Variants in GRIK5 observed in about 807,000 individuals in gnomAD.
The protein encoded by GRIK5 is glutamate ionotropic receptor kainate type subunit 5, also known as glutamate receptor ionotropic, kainate 5.
Under a neutral mutation model 97.4 loss-of-function variants are expected in GRIK5, and 43 were observed. That is an observed-to-expected ratio of 0.44 (90% CI 0.35 to 0.57). GRIK5 has a LOEUF of 0.57. Ranked by LOEUF, GRIK5 falls within the 20% of genes least tolerant of loss-of-function variation. The pLI is 0.01. For synonymous variants in GRIK5, 580 were observed against 583.5 expected (o/e 0.99, Z 0.09); for missense variants, 1,015 against 1,382.0 (o/e 0.73, Z 4.21).
chr19:42,041,262 G>A (rs1049536813), intron 12 of GRIK5, among the ~76,000 whole-genome samples: 6 of 152,118 alleles, frequency 3.9e-5, no homozygotes, highest in East Asian at 1.9e-4. Flanking sequence ...CAAGTCTAAC[G>A]TCAAGGCTGC....
chr19:42,062,405 A>G lies in GRIK5; in HGVS notation c.508+83T>C, dbSNP rs2076270554. On this transcript the variant is annotated intron_variant, in intron 5 of 19. Transcript: ENST00000593562. The surrounding 1 kb of genome is among the most constrained non-coding windows in gnomAD (Gnocchi z 5.3). Reference sequence around the variant, plus strand: ...TGCCCCAGGGTTCTAACTAGGGGGCAGTGAACCACTGTGTGGGACACCAGA... The same window carrying G: ...TGCCCCAGGGTTCTAACTAGGGGGCGGTGAACCACTGTGTGGGACACCAGA... 1.4e-6 allele frequency: 2 copies of G among 1,414,888 alleles called. No individual in the cohort carries two copies. Among genetic ancestry groups the G allele is most frequent in the Admixed American group, 3.9e-5 (2 of 51,008 alleles). 87.6% of individuals were successfully genotyped at this position (1,414,888 alleles called of 1,614,324 possible). A position where few individuals can be genotyped will look rare whatever the true frequency, so the allele number is the denominator to read the frequency against.
At chr19:42,057,793 A>G (rs1323918365) in intron 6 of GRIK5, among the ~76,000 whole-genome samples, 1 of 152,234 alleles carries the variant, frequency 6.6e-6, no homozygotes, top group African/African-American at 2.4e-5. Flanking sequence ...GTGCTTTGCA[A>G]TAATAGCAGC....
rs964404655 is a variant in GRIK5 at position 42,065,116 on chromosome 19, A to G, written c.244+107T>C. The G allele has an allele frequency of 3.3e-5, 30 of 918,868 alleles. No individual in the cohort carries two copies. Among genetic ancestry groups the G allele is most frequent in the Non-Finnish European group, 4.6e-5 (28 of 609,642 alleles). The allele number at this position is 918,868 out of a possible 1,614,324, so 56.9% of individuals were successfully genotyped here. A position where few individuals can be genotyped will look rare whatever the true frequency, so the allele number is the denominator to read the frequency against. ...GAGACAAACACAAAGAAGGGGGAGG[A>G]TGGAGCTAGAAGAGGACAAGGCCAG... On this transcript the variant is annotated intron_variant, in intron 3 of 19. Transcript: ENST00000593562. This position sits in a 1 kb window ranked among gnomAD's most constrained non-coding sequence, Gnocchi z 5.8.
At position 42,042,739 on chromosome 19, in the gene GRIK5, A is replaced by G; in HGVS notation, c.1286T>C (p.Met429Thr). ...VTTILENPYVMRRPNFQALSG... is the reference protein window; with the variant it reads ...VTTILENPYVTRRPNFQALSG... ...CAGGGCCTGGAAGTTGGGCCGGCGCATGACGTATGGGTTCTCCTGGGTGGG... is the reference window on the plus strand; with the variant it reads ...CAGGGCCTGGAAGTTGGGCCGGCGCGTGACGTATGGGTTCTCCTGGGTGGG... Residue 429 changes from methionine to threonine, a missense_variant, in exon 12 of 20, where the codon ATG becomes ACG. By Grantham distance (81) the Met-to-Thr change is moderately conservative. Transcript: ENST00000593562. This position sits in a 1 kb window ranked among gnomAD's most constrained non-coding sequence, Gnocchi z 6.9. The G allele has an allele frequency of 6.2e-7, 1 of 1,613,522 alleles. No homozygotes were observed. Among genetic ancestry groups the G allele is most frequent in the Non-Finnish European group, 8.5e-7 (1 of 1,179,906 alleles).
At position 42,065,685 on chromosome 19, in the gene GRIK5, G is replaced by T; in HGVS notation, c.79+7C>A. The T allele has an allele frequency of 1.3e-6, 2 of 1,574,030 alleles. No homozygotes were observed. The highest frequency in any genetic ancestry group is 1.7e-6 in the Non-Finnish European group (2 of 1,160,716). On this transcript the variant is annotated splice_region_variant and intron_variant, in intron 2 of 19. Coordinates refer to ENST00000593562, the MANE Select transcript of GRIK5 (RefSeq NM_002088.5). This position sits in a 1 kb window ranked among gnomAD's most constrained non-coding sequence, Gnocchi z 5.8. ...GGATGCAGGGGCAGGGTGCGGGAGGGCCTCACCCATGCGCAGTGATGAGAG... is the reference window on the plus strand; with the variant it reads ...GGATGCAGGGGCAGGGTGCGGGAGGTCCTCACCCATGCGCAGTGATGAGAG...
In GRIK5 at chr19:41,998,828, G is replaced by A. The variant is rs1555870090; in HGVS notation, c.*43C>T. The A allele has an allele frequency of 5.8e-6, 6 of 1,027,640 alleles. No individual in the cohort carries two copies. The highest frequency in any genetic ancestry group is 7.2e-6 in the Non-Finnish European group (6 of 835,938). The allele number at this position is 1,027,640 out of a possible 1,614,324, so 63.7% of individuals were successfully genotyped here. On this transcript the variant is annotated 3_prime_UTR_variant, in exon 20 of 20. Transcript: ENST00000593562. Reference sequence around the variant, plus strand: ...ACTGCTGGGGCCTGGGGCGGGCCCCGTCCCTTCGGTCAGTCCGGGCGCCCG... The same window carrying A: ...ACTGCTGGGGCCTGGGGCGGGCCCCATCCCTTCGGTCAGTCCGGGCGCCCG...
intron 19 of GRIK5, among the ~76,000 whole-genome samples, chr19:42,000,003 G>A (rs1555870591): frequency 6.6e-6 from 1 of 152,230 alleles, no homozygotes; most frequent in East Asian, 1.9e-4. Context: ...GGGCAGGGCC[G>A]AAATGCCCAG....
intron 11 of GRIK5, among the ~76,000 whole-genome samples, chr19:42,045,973 C>T (rs1052481359): frequency 6.6e-6 from 1 of 152,114 alleles, no homozygotes; most frequent in Non-Finnish European, 1.5e-5. Flanking sequence ...CAGAGAGAGA[C>T]GAGGGACCCA....
chr19:42,069,755 C>T lies in GRIK5; in HGVS notation c.-565G>A, dbSNP rs1189204471. 6.6e-6 allele frequency among the ~76,000 whole-genome samples: 1 copy of T among 151,538 alleles called. No individual in the cohort carries two copies. Among genetic ancestry groups the T allele is most frequent in the African/African-American group, 2.4e-5 (1 of 41,272 alleles). On this transcript the variant is annotated 5_prime_UTR_variant, in exon 1 of 20. Coordinates refer to ENST00000593562, the MANE Select transcript of GRIK5 (RefSeq NM_002088.5). ...GCTGGGGGAGGGGGCCGCCCCCTTT[C>T]CCCCTCCCCCCTGGAGCCTGGGCCC...
At chr19:42,044,046 C>T (rs1203287454) in intron 11 of GRIK5, among the ~76,000 whole-genome samples, 2 of 152,146 alleles carry the variant, frequency 1.3e-5, no homozygotes, top group Non-Finnish European at 2.9e-5. Context: ...ATCAGGGGGG[C>T]GGTTTCCCCC....
intron 12 of GRIK5, among the ~76,000 whole-genome samples, chr19:42,037,362 G>C (rs2075919477): frequency 6.6e-6 from 1 of 152,210 alleles, no homozygotes; most frequent in South Asian, 2.1e-4. Flanking sequence ...AGGAGGCTGA[G>C]GCAGGAAAAT....
chr19:42,017,167 G>A (rs1184399834), intron 15 of GRIK5, among the ~76,000 whole-genome samples: 1 of 152,142 alleles, frequency 6.6e-6, no homozygotes, highest in Non-Finnish European at 1.5e-5. Context: ...ACTTGTATTT[G>A]CACAAACATA....
chr19:42,067,590 T>C (rs2076354493), intron 1 of GRIK5, among the ~76,000 whole-genome samples: 1 of 151,928 alleles, frequency 6.6e-6, no homozygotes, highest in South Asian at 2.1e-4. Flanking sequence ...CAGGGACTCC[T>C]GGGGCAAATC....
At chr19:42,043,837 G>C (rs918937266) in intron 11 of GRIK5, among the ~76,000 whole-genome samples, 1 of 152,112 alleles carries the variant, frequency 6.6e-6, no homozygotes, top group African/African-American at 2.4e-5. Context: ...GCTTGAGCCC[G>C]AGTTTGAGGC....
At chr19:42,017,267 T>A (rs2075636282) in intron 15 of GRIK5, among the ~76,000 whole-genome samples, 1 of 152,268 alleles carries the variant, frequency 6.6e-6, no homozygotes, top group African/African-American at 2.4e-5. Flanking sequence ...CACTTACTCA[T>A]TCTAAGCAGG....
Position 42,042,813 on chromosome 19 carries a change from G to T in GRIK5, c.1270-58C>A. 1 of 1,390,046 alleles carries T rather than the reference G, an allele frequency of 7.2e-7. No individual in the cohort carries two copies. Among genetic ancestry groups the T allele is most frequent in the Non-Finnish European group, 1.0e-6 (1 of 995,432 alleles). 86.1% of individuals were successfully genotyped at this position (1,390,046 alleles called of 1,614,324 possible). ...CTGGGTGTCTAGTGGCTGGGTTGCG[G>T]ATCCTGGAGCCCGGACCAGGCAGGT... On this transcript the variant is annotated intron_variant, in intron 11 of 19. Coordinates refer to ENST00000593562, the MANE Select transcript of GRIK5 (RefSeq NM_002088.5). This position sits in a 1 kb window ranked among gnomAD's most constrained non-coding sequence, Gnocchi z 6.9.
chr19:42,057,000 G>A (rs1374027095), intron 6 of GRIK5, 22 bp from the exon 7 acceptor site: 2 of 1,543,878 alleles, frequency 1.3e-6, no homozygotes, highest in African/African-American at 1.4e-5. Flanking sequence ...AGGAGGCAAA[G>A]AGGCAGAGTG....
chr19:42,019,686 TAG>T (rs1395123005), intron 15 of GRIK5, among the ~76,000 whole-genome samples: 1 of 152,042 alleles, frequency 6.6e-6, no homozygotes, highest in Admixed American at 6.5e-5. Flanking sequence ...AGAAGGAAGT[TAG>T]AGAGAGAGAT....
rs1288073378 is a variant in GRIK5 at position 42,042,580 on chromosome 19, G to A, written c.1445C>T (p.Thr482Met). 4 of 1,611,586 alleles carry A rather than the reference G, an allele frequency of 2.5e-6. No homozygotes were observed. Among genetic ancestry groups the A allele is most frequent in the South Asian group, 2.2e-5 (2 of 91,052 alleles). Residue 482 changes from threonine (T) to methionine (M), a missense_variant, in exon 12 of 20, where the codon ACG becomes ATG. By Grantham distance (81) the Thr-to-Met change is moderately conservative. Transcript: ENST00000593562. The surrounding 1 kb of genome is among the most constrained non-coding windows in gnomAD (Gnocchi z 6.9). ...GTTGATGAGCTCGCCAACCATGCCCGTCCAGGAGCCGTTGGGCTCGGGCGC... is the reference window on the plus strand; with the variant it reads ...GTTGATGAGCTCGCCAACCATGCCCATCCAGGAGCCGTTGGGCTCGGGCGC... ...YGAPEPNGSW[T>M]GMVGELINRK...
Sources: gnomAD v4.1 joint callset for allele counts (sites outside exome capture counted in the v4.1 genomes callset) on GRCh38, gnomAD v4.1.1 for gene constraint, Gnocchi (gnomAD v3.1) non-coding constraint, MANE v1.5 for transcripts, NCBI Gene and HGNC (gene_info 2026-07-23, HGNC 2026-07-21) for gene names.